STEAP2: variants seen among roughly 807,000 people sequenced by gnomAD.
STEAP2 encodes metalloreductase STEAP2.
Under a neutral mutation model 46.4 loss-of-function variants are expected in STEAP2, and 30 were observed. That is an observed-to-expected ratio of 0.65 (90% CI 0.48 to 0.88). The LOEUF (loss-of-function observed/expected upper bound fraction) is 0.88, where lower values mean the gene tolerates loss of function less well. Ranked by LOEUF, STEAP2 falls within the 40% of genes least tolerant of loss-of-function variation. The pLI, the probability that STEAP2 is intolerant of heterozygous loss-of-function variation, is 0.00. For missense variants in STEAP2, 513 were observed against 579.3 expected (o/e 0.89, Z 1.18); for synonymous variants, 180 against 200.5 (o/e 0.90, Z 0.86).
Position 90,225,370 on chromosome 7 carries a change from A to T in STEAP2, c.288A>T (p.Glu96Asp). Reference protein sequence around the residue: ...TNIIFVAIHREHYTSLWDLRH... With the variant: ...TNIIFVAIHRDHYTSLWDLRH... Reference sequence around the variant, plus strand: ...TAATATTTGTTGCTATACACAGAGAACATTATACCTCCCTGTGGGACCTGA... The same window carrying T: ...TAATATTTGTTGCTATACACAGAGATCATTATACCTCCCTGTGGGACCTGA... The change falls in exon 3 of 6, where the codon GAA becomes GAT. Residue 96 changes from glutamate (E) to aspartate (D), a missense_variant. Glu to Asp is a conservative substitution (Grantham distance 45, BLOSUM62 2). Coordinates refer to ENST00000394621, the MANE Select transcript of STEAP2 (RefSeq NM_001244944.2). The T allele has an allele frequency of 6.2e-7, 1 of 1,613,814 alleles. No individual in the cohort carries two copies.
intron 1 of STEAP2, chr7:90,215,525 A>G (rs1794979562): frequency 6.6e-6 from 1 of 152,232 alleles, no homozygotes; most frequent in South Asian, 2.1e-4. Context: ...AAACGATGTC[A>G]TTGACACAGA....
chr7:90,225,397 A>G lies in STEAP2; in HGVS notation c.315A>G (p.Arg105=), dbSNP rs1338819533. The G allele has an allele frequency of 1.2e-6, 2 of 1,613,860 alleles. No homozygotes were observed. The highest frequency in any genetic ancestry group is 1.7e-6 in the Non-Finnish European group (2 of 1,179,932). ...REHYTSLWDL[R]HLLVGKILID... is the part of the protein sequence containing the mutation. ...ATTATACCTCCCTGTGGGACCTGAG[A>G]CATCTGCTTGTGGGTAAAATCCTGA... Residue 105 remains arginine, a synonymous_variant, in exon 3 of 6, where the codon AGA becomes AGG. Transcript: ENST00000394621.
chr7:90,225,368 G>C lies in STEAP2; in HGVS notation c.286G>C (p.Glu96Gln). 6.2e-7 allele frequency: 1 copy of C among 1,613,810 alleles called. No individual in the cohort carries two copies. Among genetic ancestry groups the C allele is most frequent in the Non-Finnish European group, 8.5e-7 (1 of 1,179,920 alleles). The change falls in exon 3 of 6, where the codon GAA (glutamate) becomes CAA (glutamine). Residue 96 changes from glutamate to glutamine, a missense_variant. Transcript: ENST00000394621. The stretch of plus-strand genomic sequence containing the variant: ...TATAATATTTGTTGCTATACACAGA[G>C]AACATTATACCTCCCTGTGGGACCT... ...TNIIFVAIHREHYTSLWDLRH... is the reference protein window; with the variant it reads ...TNIIFVAIHRQHYTSLWDLRH...
At chr7:90,238,157 C>T (rs1407061601), downstream of STEAP2, 1 of 717,432 alleles carries the variant, frequency 1.4e-6, no homozygotes, top group Non-Finnish European at 2.6e-6. Context: ...ACTACCACCA[C>T]CACCACACTG....
rs1795958834 is a variant in STEAP2 at position 90,236,283 on chromosome 7, G to A, written c.*3659G>A. 3 of 958,264 alleles carry A rather than the reference G, an allele frequency of 3.1e-6. No individual in the cohort carries two copies. In the African/African-American group the frequency reaches 5.3e-5, roughly 17 times the overall value. The allele number at this position is 958,264 out of a possible 1,614,324, so 59.4% of individuals were successfully genotyped here. ...AATGTAATAAGTAAATATTTATTTA[G>A]GAATACTGTGAACACTGAACTAATT... On this transcript the variant is annotated 3_prime_UTR_variant, in exon 6 of 6. Coordinates refer to ENST00000394621, the MANE Select transcript of STEAP2 (RefSeq NM_001244944.2).
Position 90,221,428 on chromosome 7 carries a change from A to AT in STEAP2, c.-33-3621dup, listed in dbSNP as rs1795253934. Among the ~76,000 whole-genome samples, 3 of 152,140 alleles carry AT rather than the reference A, an allele frequency of 2.0e-5. No homozygotes were observed. The South Asian group carries it at 6.2e-4, about 31-fold the overall frequency. On this transcript the variant is annotated intron_variant, in intron 2 of 5. Transcript: ENST00000394621. ...TTTGACTCAAACTGTTTTATTTGAT[A>AT]TAAGTATAGTGACTTTTGGTTTCCA...
Position 90,236,669 on chromosome 7 carries a change from C to T in STEAP2, c.*4045C>T, listed in dbSNP as rs1013411094. ...AGTGCTTAATTTTCAGAGATTCTTT[C>T]CATATGTTACTAAAAAATGTTTTGT... is the stretch of plus-strand genomic sequence containing the variant. On this transcript the variant is annotated 3_prime_UTR_variant, in exon 6 of 6. Coordinates refer to ENST00000394621, the MANE Select transcript of STEAP2 (RefSeq NM_001244944.2). 1 of 1,291,594 alleles carries T rather than the reference C, an allele frequency of 7.7e-7. No individual in the cohort carries two copies. The highest frequency in any genetic ancestry group is 9.8e-7 in the Non-Finnish European group (1 of 1,021,238). 80.0% of individuals were successfully genotyped at this position (1,291,594 alleles called of 1,614,324 possible).
At chr7:90,243,144 C>T in the STEAP2 span, among the ~76,000 whole-genome samples, 1 of 152,154 alleles carries the variant, frequency 6.6e-6, no homozygotes, top group Admixed American at 6.5e-5. Context: ...GCTGCCAGTC[C>T]TAATCTAGTG....
intron 1 of STEAP2, chr7:90,215,288 G>T (rs1229610650): frequency 6.6e-6 from 1 of 152,170 alleles, no homozygotes; most frequent in Non-Finnish European, 1.5e-5. Context: ...TTTCAGAGTT[G>T]CTGTCATCCA....
At chr7:90,222,625 AG>A (rs34556729) in intron 2 of STEAP2, among the ~76,000 whole-genome samples, 1 of 152,180 alleles carries the variant, frequency 6.6e-6, no homozygotes, top group Non-Finnish European at 1.5e-5. Context: ...CCTGTCTCTT[AG>A]GGTGGTTGTG....
rs973872682 is a variant in STEAP2, at chr7:90,235,505, T to A, written c.*2881T>A. ...TCTACTATTGCTAGGTGTGAGAAAG[T>A]GGTGGTGAGAACCTTAGAGCAGTGG... On this transcript the variant is annotated 3_prime_UTR_variant, in exon 6 of 6. Coordinates refer to ENST00000394621, the MANE Select transcript of STEAP2 (RefSeq NM_001244944.2). 20 of 985,176 alleles carry A rather than the reference T, an allele frequency of 2.0e-5. No homozygotes were observed. The Middle Eastern group carries it at 1.5e-3, about 76-fold the overall frequency. The allele number at this position is 985,176 out of a possible 1,614,324, so 61.0% of individuals were successfully genotyped here. A position where few individuals can be genotyped will look rare whatever the true frequency, so the allele number is the denominator to read the frequency against.
chr7:90,243,389 T>TA, the STEAP2 span, among the ~76,000 whole-genome samples: 1 of 152,132 alleles, frequency 6.6e-6, no homozygotes, highest in African/African-American at 2.4e-5. Flanking sequence ...TTAAAAGAGT[T>TA]AGAGTTTTTT....
intron 2 of STEAP2, among the ~76,000 whole-genome samples, chr7:90,224,205 A>G (rs1795380864): frequency 6.6e-6 from 1 of 152,132 alleles, no homozygotes; most frequent in African/African-American, 2.4e-5. Flanking sequence ...TCCAGAGGCA[A>G]GGTTCAGACA....
rs1795974041 is a variant in STEAP2, at chr7:90,236,768, G to A, written c.*4144G>A. ...CCATCATGCATTCATCCAAAATTAA[G>A]GCAGACTGTTTGGATTCTTCCAGTG... On this transcript the variant is annotated 3_prime_UTR_variant, in exon 6 of 6. Transcript: ENST00000394621. The A allele has an allele frequency of 4.1e-6, 6 of 1,451,592 alleles. No individual in the cohort carries two copies. The Admixed American group carries it at 1.1e-4, about 26-fold the overall frequency. The allele number at this position is 1,451,592 out of a possible 1,614,324, so 89.9% of individuals were successfully genotyped here. A position where few individuals can be genotyped will look rare whatever the true frequency, so the allele number is the denominator to read the frequency against.
intron 3 of STEAP2, 129 bp from the exon 4 acceptor site, chr7:90,226,842 T>C (rs1051314262): frequency 1.0e-5 from 9 of 877,456 alleles, no homozygotes; most frequent in Non-Finnish European, 1.4e-5. Flanking sequence ...TACTATAATA[T>C]AGCTGAAAAT....
intron 2 of STEAP2, among the ~76,000 whole-genome samples, chr7:90,217,702 C>T (rs17867181): frequency 0.27 from 22,483 of 83,230 alleles, 2,814 homozygotes; most frequent in East Asian, 0.71. Context: ...GTGAATAGTG[C>T]GCAAAAAAAA....
chr7:90,229,768 A>G, intron 4 of STEAP2, 104 bp from the exon 5 acceptor site: 8 of 1,486,804 alleles, frequency 5.4e-6, no homozygotes, highest in Non-Finnish European at 7.1e-6. Context: ...CAACTTAAAT[A>G]CGTCCATATA....
intron 2 of STEAP2, among the ~76,000 whole-genome samples, chr7:90,223,824 A>G (rs1795365478): frequency 6.6e-6 from 1 of 152,074 alleles, no homozygotes; most frequent in African/African-American, 2.4e-5. Flanking sequence ...TTTGATGCCT[A>G]TTTTTCTTAA....
chr7:90,222,247 A>G (rs1795282906), intron 2 of STEAP2, among the ~76,000 whole-genome samples: 1 of 152,088 alleles, frequency 6.6e-6, no homozygotes, highest in South Asian at 2.1e-4. Context: ...TTCTGGGTGC[A>G]TGGACCACAC....
Sources: gnomAD v4.1 joint callset for allele counts (sites outside exome capture counted in the v4.1 genomes callset) on GRCh38, gnomAD v4.1.1 for gene constraint, MANE v1.5 for transcripts, NCBI Gene and HGNC (gene_info 2026-07-23, HGNC 2026-07-21) for gene names.